Variants in ADGRF4 observed in about 807,000 individuals in gnomAD.
ADGRF4 encodes the protein adhesion G protein-coupled receptor F4.
Under a neutral mutation model 58.5 loss-of-function variants are expected in ADGRF4, and 63 were observed. The observed-to-expected ratio is 1.08, with a 90% CI of 0.88 to 1.33. ADGRF4 has a LOEUF of 1.33. Ranked by LOEUF, ADGRF4 falls within the 40% of genes most tolerant of loss-of-function variation. ADGRF4 has a pLI of 0.00. For synonymous variants in ADGRF4, 313 were observed against 295.4 expected (o/e 1.06, Z -0.61); for missense variants, 931 against 843.9 (o/e 1.10, Z -1.28).
rs1268999364 is a variant in ADGRF4 at position 47,718,381 on chromosome 6, C to T, written c.2035-8C>T. The T allele has an allele frequency of 4.0e-6, 6 of 1,485,932 alleles. No individual in the cohort carries two copies. The highest frequency in any genetic ancestry group is 5.6e-6 in the Non-Finnish European group (6 of 1,063,518). The allele number at this position is 1,485,932 out of a possible 1,614,324, so 92.0% of individuals were successfully genotyped here. A position where few individuals can be genotyped will look rare whatever the true frequency, so the allele number is the denominator to read the frequency against. Reference sequence around the variant, plus strand: ...CATTACCACTACTGTTATTTTTCCCCCACTTAGAATGCATCACTAGGCCCA... The same window carrying T: ...CATTACCACTACTGTTATTTTTCCCTCACTTAGAATGCATCACTAGGCCCA... On this transcript the variant is annotated splice_polypyrimidine_tract_variant and splice_region_variant and intron_variant, in intron 8 of 9. Coordinates refer to ENST00000283303, the MANE Select transcript of ADGRF4 (RefSeq NM_153838.5).
chr6:47,715,039 C>T lies in ADGRF4; in HGVS notation c.1794C>T (p.Val598=). The change falls in exon 6 of 10, where the codon GTC becomes GTT. Residue 598 remains valine, a synonymous_variant. Coordinates refer to ENST00000283303, the MANE Select transcript of ADGRF4 (RefSeq NM_153838.5). ...GCAGTTCCAAGTCTCAGGATGTGGT[C>T]ATAATTATGAGGATCAGCAAAAATG... The part of the protein sequence containing the change: ...SIGSSKSQDV[V]IIMRISKNVA... 6.2e-7 allele frequency: 1 copy of T among 1,613,376 alleles called. No individual in the cohort carries two copies. The highest frequency in any genetic ancestry group is 8.5e-7 in the Non-Finnish European group (1 of 1,179,378).
rs766829617 is a variant in ADGRF4 at position 47,710,732 on chromosome 6, T to C, written c.149-3T>C. ...CTCTCTCTTTCTCTTTTTTTCTTTATAGAGAAATGCGAAGGACCTTGTATT... is the reference window on the plus strand; with the variant it reads ...CTCTCTCTTTCTCTTTTTTTCTTTACAGAGAAATGCGAAGGACCTTGTATT... On this transcript the variant is annotated splice_region_variant and splice_polypyrimidine_tract_variant and intron_variant, in intron 3 of 9. Coordinates refer to ENST00000283303, the MANE Select transcript of ADGRF4 (RefSeq NM_153838.5). 1.3e-6 allele frequency: 2 copies of C among 1,585,354 alleles called. No individual in the cohort carries two copies. Among genetic ancestry groups the C allele is most frequent in the African/African-American group, 2.8e-5 (2 of 72,632 alleles).
chr6:47,711,512 C>T (rs1009340049), intron 4 of ADGRF4, among the ~76,000 whole-genome samples: 1 of 152,204 alleles, frequency 6.6e-6, no homozygotes, highest in South Asian at 2.1e-4. Context: ...CTGCCCACCT[C>T]GGCCTCCCAA....
Position 47,714,416 on chromosome 6 carries a change from A to G in ADGRF4, c.1171A>G (p.Met391Val). Reference protein sequence around the residue: ...TSVVMSFSILMSSKSMTDKVL... With the variant: ...TSVVMSFSILVSSKSMTDKVL... ...TGTGGTGATGTCTTTTTCCATTCTC[A>G]TGTCCTCCAAATCGATGACCGACAA... is the stretch of plus-strand genomic sequence containing the variant. Residue 391 changes from methionine to valine, a missense_variant, in exon 6 of 10, where the codon ATG (methionine) becomes GTG (valine). Transcript: ENST00000283303. 2 of 1,614,076 alleles carry G rather than the reference A, an allele frequency of 1.2e-6. No homozygotes were observed. The highest frequency in any genetic ancestry group is 1.7e-6 in the Non-Finnish European group (2 of 1,180,020).
Position 47,710,780 on chromosome 6 carries a change from C to A in ADGRF4, c.194C>A (p.Pro65His), listed in dbSNP as rs771995633. The change falls in exon 4 of 10, where the codon CCC becomes CAC. Residue 65 changes from proline (P) to histidine (H), a missense_variant. Physicochemically the swap from Pro to His is moderately conservative, Grantham distance 77. Coordinates refer to ENST00000283303, the MANE Select transcript of ADGRF4 (RefSeq NM_153838.5). ...PCISSSNCSQ[P>H]CAKDFHGEIG... ...ATTTCTTCTTCCAACTGCAGCCAGC[C>A]CTGTGCTAAGGACTTTCATGGAGAA... is the stretch of plus-strand genomic sequence containing the variant. The A allele has an allele frequency of 8.1e-6, 13 of 1,612,542 alleles. No homozygotes were observed. Among genetic ancestry groups the A allele is most frequent in the South Asian group, 1.1e-5 (1 of 90,916 alleles).
In ADGRF4 at chr6:47,705,126, C is replaced by T. The variant is rs150368919; in HGVS notation, c.-16-2104C>T. 4.3e-3 allele frequency among the ~76,000 whole-genome samples: 655 copies of T among 152,254 alleles called. 3 individuals are homozygous for T. The highest frequency in any genetic ancestry group is 0.014 in the African/African-American group (571 of 41,538). On this transcript the variant is annotated intron_variant, in intron 1 of 9. Transcript: ENST00000283303. The stretch of plus-strand genomic sequence containing the variant: ...TGTATTTTCAGTAGAGATGGAGTTT[C>T]ACCTGTTAGCCAGGATGGTCTTGAT...
At chr6:47,707,367 G>A (rs756416982) in intron 2 of ADGRF4, 29 bp downstream of exon 2, 59 of 1,356,442 alleles carry the variant, frequency 4.3e-5, no homozygotes, top group Admixed American at 8.4e-5. Flanking sequence ...TATGTGATCC[G>A]AGGAGAAATC....
At position 47,716,884 on chromosome 6, in the gene ADGRF4, C is replaced by T. The variant is rs941624511; in HGVS notation, c.1974+37C>T. ...TTGCTTCCTCCTTATAAATGGTTTT[C>T]ATGTGGCTGGGGGAAGCAGGAGGAT... On this transcript the variant is annotated intron_variant, in intron 7 of 9. Coordinates refer to ENST00000283303, the MANE Select transcript of ADGRF4 (RefSeq NM_153838.5). The T allele has an allele frequency of 2.1e-6, 3 of 1,440,364 alleles. No homozygotes were observed. In the South Asian group the frequency reaches 3.6e-5, roughly 17 times the overall value. The allele number at this position is 1,440,364 out of a possible 1,614,324, so 89.2% of individuals were successfully genotyped here. A position where few individuals can be genotyped will look rare whatever the true frequency, so the allele number is the denominator to read the frequency against.
At chr6:47,712,323 C>G (rs1242114144) in intron 4 of ADGRF4, 34 bp from the exon 5 acceptor site, 1 of 1,607,484 alleles carries the variant, frequency 6.2e-7, no homozygotes, top group South Asian at 1.1e-5. Flanking sequence ...GGTACTTAAT[C>G]ATTTTTGAAT....
Position 47,715,182 on chromosome 6 carries a change from G to C in ADGRF4, c.1932+5G>C. The C allele has an allele frequency of 6.4e-7, 1 of 1,559,414 alleles. No individual in the cohort carries two copies. The highest frequency in any genetic ancestry group is 8.7e-7 in the Non-Finnish European group (1 of 1,146,936). ...GCCTTGCTCAATGCTTTCCAGGTAAGTTCCAAGAGGGAGACTTTTCTGTGT... is the reference window on the plus strand; with the variant it reads ...GCCTTGCTCAATGCTTTCCAGGTAACTTCCAAGAGGGAGACTTTTCTGTGT... On this transcript the variant is annotated splice_donor_5th_base_variant and intron_variant, in intron 6 of 9. Transcript: ENST00000283303.
intron 9 of ADGRF4, among the ~76,000 whole-genome samples, chr6:47,718,969 G>A (rs1772096507): frequency 6.6e-6 from 1 of 152,192 alleles, no homozygotes; most frequent in African/African-American, 2.4e-5. Context: ...GTCACAAAAT[G>A]GCAGCCAGAA....
At chr6:47,709,085 G>A (rs930732450) in intron 3 of ADGRF4, among the ~76,000 whole-genome samples, 1 of 152,202 alleles carries the variant, frequency 6.6e-6, no homozygotes, top group African/African-American at 2.4e-5. Flanking sequence ...AACAAGGTTT[G>A]GCAAAGCTTG....
Position 47,713,849 on chromosome 6 carries a change from T to C in ADGRF4, c.604T>C (p.Trp202Arg), listed in dbSNP as rs202171646. 39 of 1,590,952 alleles carry C rather than the reference T, an allele frequency of 2.5e-5. No homozygotes were observed. Among genetic ancestry groups the C allele is most frequent in the Non-Finnish European group, 3.0e-5 (35 of 1,169,730 alleles). Residue 202 changes from tryptophan (W) to arginine (R), a missense_variant, in exon 6 of 10, where the codon TGG (tryptophan) becomes CGG (arginine). Physicochemically the swap from Trp to Arg is moderately radical, Grantham distance 101. Coordinates refer to ENST00000283303, the MANE Select transcript of ADGRF4 (RefSeq NM_153838.5). Reference sequence around the variant, plus strand: ...CCTCGACACAGCAGCCATTTCAAACTGGGCTTTCATTCCCAACAAAAATGC... The same window carrying C: ...CCTCGACACAGCAGCCATTTCAAACCGGGCTTTCATTCCCAACAAAAATGC... ...HILDTAAISN[W>R]AFIPNKNASS...
Position 47,714,047 on chromosome 6 carries a change from G to A in ADGRF4, c.802G>A (p.Asp268Asn), listed in dbSNP as rs1209909031. 1 of 1,613,376 alleles carries A rather than the reference G, an allele frequency of 6.2e-7. No individual in the cohort carries two copies. The highest frequency in any genetic ancestry group is 1.7e-5 in the Admixed American group (1 of 59,884). The stretch of plus-strand genomic sequence containing the variant: ...CATGAGCATGAACAATACCACAGAA[G>A]ATATCTTAGGAATGGTACAGATTCC... ...FSMSMNNTTEDILGMVQIPRQ... is the reference protein window; with the variant it reads ...FSMSMNNTTENILGMVQIPRQ... Residue 268 changes from aspartate to asparagine, a missense_variant, in exon 6 of 10, where the codon GAT becomes AAT. Asp to Asn is a conservative substitution (Grantham distance 23). Transcript: ENST00000283303.
At chr6:47,719,571 A>T (rs2113910584) in intron 9 of ADGRF4, among the ~76,000 whole-genome samples, 1 of 152,274 alleles carries the variant, frequency 6.6e-6, no homozygotes, top group Non-Finnish European at 1.5e-5. Flanking sequence ...ACCTATTAAA[A>T]ACACAGCTGG....
rs538520150 is a variant in ADGRF4, at chr6:47,702,722, G to A, written c.-17+3928G>A. ...GTGTTTTTCTGCCACCATACACAGA[G>A]GGTTTATAAAGATAGAGAATATAAG... On this transcript the variant is annotated intron_variant, in intron 1 of 9. Coordinates refer to ENST00000283303, the MANE Select transcript of ADGRF4 (RefSeq NM_153838.5). Among the ~76,000 whole-genome samples, 67 of 152,260 alleles carry A rather than the reference G, an allele frequency of 4.4e-4. 1 individual carries two copies. Among genetic ancestry groups the A allele is most frequent in the Non-Finnish European group, 7.5e-4 (51 of 68,022 alleles).
intron 2 of ADGRF4, among the ~76,000 whole-genome samples, 177 bp from the exon 3 acceptor site, chr6:47,708,047 G>A (rs1015375274): frequency 6.6e-6 from 1 of 152,156 alleles, no homozygotes; most frequent in Non-Finnish European, 1.5e-5. Flanking sequence ...CATTCTCCCT[G>A]TGCTCTCATC....
chr6:47,718,307 C>A, intron 8 of ADGRF4, 82 bp from the exon 9 acceptor site: 1 of 803,722 alleles, frequency 1.2e-6, no homozygotes, highest in South Asian at 1.4e-5. Context: ...TATTCATTTT[C>A]ACATATTTAT....
intron 2 of ADGRF4, among the ~76,000 whole-genome samples, chr6:47,707,704 T>C (rs778258930): frequency 2.6e-5 from 4 of 152,224 alleles, no homozygotes; most frequent in Admixed American, 1.3e-4. Context: ...AAATTCTTTA[T>C]CTATAAGATG....
Sources: gnomAD v4.1 joint callset for allele counts (sites outside exome capture counted in the v4.1 genomes callset) on GRCh38, gnomAD v4.1.1 for gene constraint, MANE v1.5 for transcripts, NCBI Gene and HGNC (gene_info 2026-07-23, HGNC 2026-07-21) for gene names.